MAGI2: variants seen among roughly 807,000 people sequenced by gnomAD.
The protein encoded by MAGI2 is membrane associated guanylate kinase, WW and PDZ domain containing 2.
A neutral mutation model predicts 133.3 loss-of-function variants in MAGI2; 35 were observed. The ratio of observed to expected loss-of-function variants is 0.26; its 90% CI spans 0.20 to 0.35. The LOEUF (loss-of-function observed/expected upper bound fraction) is 0.35, where lower values mean the gene tolerates loss of function less well. Among genes scored for constraint, MAGI2 ranks in the 10% least tolerant of loss-of-function variants. MAGI2 has a pLI of 1.00. For synonymous variants in MAGI2, 729 were observed against 710.6 expected (o/e 1.03, Z -0.41); for missense variants, 1,636 against 1,863.4 (o/e 0.88, Z 2.25).
intron 2 of MAGI2, among the ~76,000 whole-genome samples, chr7:78,682,670 C>G (rs1395248535): frequency 6.6e-6 from 1 of 152,078 alleles, no homozygotes; most frequent in Admixed American, 6.6e-5. Context: ...GTGAGCAGTG[C>G]TGCAGTAAAC....
chr7:78,659,904 A>G (rs1423431212), intron 2 of MAGI2, among the ~76,000 whole-genome samples: 1 of 152,210 alleles, frequency 6.6e-6, no homozygotes, highest in Non-Finnish European at 1.5e-5. Context: ...GGTAGTATTT[A>G]ACAATGACCC....
chr7:78,712,214 T>A (rs956754743), intron 2 of MAGI2, among the ~76,000 whole-genome samples: 3 of 152,282 alleles, frequency 2.0e-5, no homozygotes, highest in Middle Eastern at 3.4e-3. Flanking sequence ...AGTAAATCAT[T>A]TAAGCTGGAT....
intron 3 of MAGI2, among the ~76,000 whole-genome samples, chr7:78,541,584 T>G (rs760552730): frequency 2.6e-5 from 4 of 152,212 alleles, no homozygotes; most frequent in Non-Finnish European, 5.9e-5. Flanking sequence ...ACATTAGAGC[T>G]TAAGCTTTCA....
intron 1 of MAGI2, among the ~76,000 whole-genome samples, chr7:79,009,394 T>G (rs1807819802): frequency 6.6e-6 from 1 of 151,986 alleles, no homozygotes; most frequent in African/African-American, 2.4e-5. Context: ...ATTAAATGAG[T>G]TGTCATAAAT....
intron 2 of MAGI2, among the ~76,000 whole-genome samples, chr7:78,642,473 C>CT (rs1158268101): frequency 2.0e-5 from 3 of 152,126 alleles, no homozygotes; most frequent in African/African-American, 7.2e-5. Flanking sequence ...TCTAGCAAGA[C>CT]TATGTGCTAA....
intron 10 of MAGI2, among the ~76,000 whole-genome samples, chr7:78,231,408 C>CGCT (rs1789956172): frequency 6.6e-6 from 1 of 152,184 alleles, no homozygotes; most frequent in African/African-American, 2.4e-5. Flanking sequence ...CTGGCCCCTG[C>CGCT]GCTCTAAATG....
intron 2 of MAGI2, among the ~76,000 whole-genome samples, chr7:78,908,574 T>C (rs1422606573): frequency 6.6e-6 from 1 of 152,196 alleles, no homozygotes; most frequent in Non-Finnish European, 1.5e-5. Flanking sequence ...TAGAGGTAGA[T>C]TAAATAAGCT....
chr7:78,282,629 C>T (rs1036684503), intron 9 of MAGI2, among the ~76,000 whole-genome samples: 5 of 152,066 alleles, frequency 3.3e-5, no homozygotes, highest in South Asian at 4.1e-4. Context: ...TAATTTTCTG[C>T]ATACAATTCC....
At chr7:78,436,067 C>T (rs1031746295) in intron 6 of MAGI2, among the ~76,000 whole-genome samples, 1 of 152,126 alleles carries the variant, frequency 6.6e-6, no homozygotes, top group African/African-American at 2.4e-5. Flanking sequence ...CAGTTTCACA[C>T]CCTGGAGGTT....
intron 3 of MAGI2, among the ~76,000 whole-genome samples, chr7:78,537,170 TACACACACACAC>T (rs3086437): frequency 5.7e-4 from 84 of 146,298 alleles, no homozygotes; most frequent in Non-Finnish European, 1.0e-3. Context: ...AGTATTCCAC[TACACACACACAC>T]ACACACACAC....
chr7:78,030,758 A>G (rs967768403), intron 21 of MAGI2, among the ~76,000 whole-genome samples: 1 of 152,224 alleles, frequency 6.6e-6, no homozygotes, highest in African/African-American at 2.4e-5. Flanking sequence ...TGGAGCAATT[A>G]AGACTCTCAC....
chr7:78,134,495 G>A (rs150364371), intron 17 of MAGI2: 2 of 154,242 alleles, frequency 1.3e-5, no homozygotes, highest in East Asian at 1.9e-4. Context: ...TTGAGCCTCA[G>A]GGGGGAGTCC....
intron 3 of MAGI2, among the ~76,000 whole-genome samples, chr7:78,603,857 A>G (rs748284847): frequency 3.2e-4 from 49 of 152,142 alleles, no homozygotes; most frequent in Admixed American, 1.7e-3. Context: ...CAAGAAACCT[A>G]TACAATGAGA....
chr7:79,225,767 G>A (rs1055631078), intron 1 of MAGI2, among the ~76,000 whole-genome samples: 1 of 152,190 alleles, frequency 6.6e-6, no homozygotes, highest in African/African-American at 2.4e-5. Flanking sequence ...GAGACATTTA[G>A]AGGATGAGGA....
At chr7:79,075,153 T>C (rs1215936139) in intron 1 of MAGI2, among the ~76,000 whole-genome samples, 4 of 152,154 alleles carry the variant, frequency 2.6e-5, no homozygotes, top group African/African-American at 9.7e-5. Flanking sequence ...TTTTATTCAG[T>C]AAATCAGTCT....
rs752453125 is a variant in MAGI2, at chr7:78,135,072, G to A, written c.2980C>T (p.Leu994Phe). 1 of 1,614,146 alleles carries A rather than the reference G, an allele frequency of 6.2e-7. No homozygotes were observed. The highest frequency in any genetic ancestry group is 8.5e-7 in the Non-Finnish European group (1 of 1,180,024). Residue 994 changes from leucine to phenylalanine, a missense_variant, in exon 17 of 22, where the codon CTC (leucine) becomes TTC (phenylalanine). By Grantham distance (22) the Leu-to-Phe change is conservative. Transcript: ENST00000354212. ...INMPHADIVK[L>F]IKDAGLSVTL... is the part of the protein sequence containing the mutation. ...ACACTAAGACCTGCATCCTTGATGAGCTTCACGATGTCAGCGTGAGGCATG... is the reference window on the plus strand; with the variant it reads ...ACACTAAGACCTGCATCCTTGATGAACTTCACGATGTCAGCGTGAGGCATG...
chr7:79,214,890 T>A lies in MAGI2; in HGVS notation c.302-207684A>T, dbSNP rs192295421. On this transcript the variant is annotated intron_variant, in intron 1 of 21. Transcript: ENST00000354212. ...ATTTATAAATTTCAAAATTATAAAATTTATAAATTTATAAATATATATTTA... is the reference window on the plus strand; with the variant it reads ...ATTTATAAATTTCAAAATTATAAAAATTATAAATTTATAAATATATATTTA... Among the ~76,000 whole-genome samples, 938 of 145,338 alleles carry A rather than the reference T, an allele frequency of 6.5e-3. 18 individuals carry two copies. The highest frequency in any genetic ancestry group is 0.022 in the African/African-American group (875 of 40,074).
intron 1 of MAGI2, among the ~76,000 whole-genome samples, chr7:79,323,523 T>G (rs115833973): frequency 6.6e-6 from 1 of 151,842 alleles, no homozygotes; most frequent in East Asian, 1.9e-4. Context: ...AGACCAGTTG[T>G]GGATTGTGAG....
intron 1 of MAGI2, among the ~76,000 whole-genome samples, chr7:79,435,390 T>G (rs1848063757): frequency 6.6e-6 from 1 of 152,230 alleles, no homozygotes; most frequent in Non-Finnish European, 1.5e-5. Flanking sequence ...GTTTGAAAAC[T>G]TCATTGGCAA....
Sources: allele counts gnomAD v4.1 joint callset (sites outside exome capture counted in the v4.1 genomes callset), GRCh38; gene constraint gnomAD v4.1.1; transcripts MANE v1.5; gene names NCBI Gene and HGNC (gene_info 2026-07-23, HGNC 2026-07-21).